Variants in KY observed in about 807,000 individuals in gnomAD.
KY encodes the protein kyphoscoliosis peptidase.
A neutral mutation model predicts 76.1 loss-of-function variants in KY; 43 were observed. The ratio of observed to expected loss-of-function variants is 0.57; its 90% CI spans 0.44 to 0.73. The LOEUF is 0.73. KY is among the 30% of genes least tolerant of loss of function. The pLI is 0.00. For missense variants in KY, 722 were observed against 828.9 expected (o/e 0.87, Z 1.58); for synonymous variants, 277 against 326.2 (o/e 0.85, Z 1.63).
chr3:134,630,553 C>A (rs1964077478), intron 3 of KY, among the ~76,000 whole-genome samples: 1 of 152,174 alleles, frequency 6.6e-6, no homozygotes, highest in African/African-American at 2.4e-5. Flanking sequence ...AAGGCAATTC[C>A]ATAAAGTTGT....
intron 9 of KY, 48 bp from the exon 10 acceptor site, chr3:134,608,887 C>T (rs1339600701): frequency 6.4e-7 from 1 of 1,564,330 alleles, no homozygotes; most frequent in Admixed American, 1.8e-5. Flanking sequence ...GCAGGGGAGG[C>T]AGGGGCCCAA....
intron 3 of KY, among the ~76,000 whole-genome samples, chr3:134,636,556 G>A (rs1176614747): frequency 6.6e-6 from 1 of 152,168 alleles, no homozygotes; most frequent in Non-Finnish European, 1.5e-5. Flanking sequence ...TCTCAGGTGA[G>A]GCTATCCCAG....
chr3:134,604,400 C>G lies in KY; in HGVS notation c.1165G>C (p.Glu389Gln). The G allele has an allele frequency of 1.2e-6, 2 of 1,614,060 alleles. No homozygotes were observed. The highest frequency in any genetic ancestry group is 1.7e-6 in the Non-Finnish European group (2 of 1,179,906). ...LFMFMLNGKQ[E>Q]HGLLSLRKNG... The stretch of plus-strand genomic sequence containing the variant: ...TTCCTTAGGCTCAGCAGCCCATGCT[C>G]TTGCTTGCCATTGAGCATGAACATG... The change falls in exon 11 of 11, where the codon GAG becomes CAG. Residue 389 changes from glutamate (E) to glutamine (Q), a missense_variant. Around this residue, in one of 2 missense-constraint regions of KY, gnomAD observed 552 missense variants for 680.9 expected, o/e 0.81. Coordinates refer to ENST00000423778, the MANE Select transcript of KY (RefSeq NM_178554.6).
chr3:134,624,793 G>A (rs565292578), intron 6 of KY, among the ~76,000 whole-genome samples: 1 of 152,276 alleles, frequency 6.6e-6, no homozygotes, highest in South Asian at 2.1e-4. Flanking sequence ...GCTTGCCAAT[G>A]AAGAGCTCCA....
intron 3 of KY, among the ~76,000 whole-genome samples, chr3:134,636,477 T>A (rs944919662): frequency 6.6e-6 from 1 of 152,144 alleles, no homozygotes; most frequent in Non-Finnish European, 1.5e-5. Flanking sequence ...ATTCTTGGGA[T>A]CCCAGCCATA....
intron 10 of KY, 118 bp from the exon 11 acceptor site, chr3:134,604,592 T>G: frequency 1.6e-5 from 13 of 826,716 alleles, no homozygotes; most frequent in Non-Finnish European, 2.3e-5. Context: ...GCTTGTCTAT[T>G]TCCACGGTGT....
chr3:134,607,605 C>G, intron 10 of KY: 1 of 985,670 alleles, frequency 1.0e-6, no homozygotes. Flanking sequence ...GATCAGGTGC[C>G]AAGGCCTTGG....
At chr3:134,610,634 T>A in intron 8 of KY, 1 of 453,006 alleles carries the variant, frequency 2.2e-6, no homozygotes. Flanking sequence ...GCTCCTCCCC[T>A]GAGACCAACA....
chr3:134,607,587 C>T (rs548395858), intron 10 of KY: 12 of 985,498 alleles, frequency 1.2e-5, no homozygotes, highest in Non-Finnish European at 1.4e-5. Context: ...GCTGTGTGCC[C>T]AGCACTGGAT....
At chr3:134,645,552 C>G (rs1041731921) in intron 2 of KY, among the ~76,000 whole-genome samples, 1 of 152,340 alleles carries the variant, frequency 6.6e-6, no homozygotes, top group East Asian at 1.9e-4. Context: ...AGAATCTCGA[C>G]ATCAGAAAAC....
chr3:134,638,050 T>C (rs1965225758), intron 3 of KY, among the ~76,000 whole-genome samples: 1 of 152,180 alleles, frequency 6.6e-6, no homozygotes, highest in Admixed American at 6.5e-5. Context: ...TGCTGCTGCT[T>C]AGCATTCCCT....
At chr3:134,613,271 A>G (rs1316481539) in intron 8 of KY, 2 of 153,874 alleles carry the variant, frequency 1.3e-5, no homozygotes, top group Admixed American at 6.5e-5. Context: ...CAGAATGGGT[A>G]TGGAATGTCC....
At position 134,608,216 on chromosome 3, in the gene KY, T is replaced by C; in HGVS notation, c.1090+433A>G. 10 of 1,185,340 alleles carry C rather than the reference T, an allele frequency of 8.4e-6. No homozygotes were observed. The South Asian group carries it at 1.6e-4, about 19-fold the overall frequency. 73.4% of individuals were successfully genotyped at this position (1,185,340 alleles called of 1,614,324 possible). A position where few individuals can be genotyped will look rare whatever the true frequency, so the allele number is the denominator to read the frequency against. On this transcript the variant is annotated intron_variant, in intron 10 of 10. Coordinates refer to ENST00000423778, the MANE Select transcript of KY (RefSeq NM_178554.6). ...GAGAACACAGCAGGCCAGTAGCTTCTGTTGGGGACCTGAGCCCAGAGGCTA... is the reference window on the plus strand; with the variant it reads ...GAGAACACAGCAGGCCAGTAGCTTCCGTTGGGGACCTGAGCCCAGAGGCTA...
intron 3 of KY, among the ~76,000 whole-genome samples, chr3:134,634,922 G>T (rs911472730): frequency 6.6e-6 from 1 of 152,208 alleles, no homozygotes; most frequent in Non-Finnish European, 1.5e-5. Flanking sequence ...AGGATGCAGA[G>T]AAATTGGATC....
chr3:134,632,969 G>T (rs1234027704), intron 3 of KY, among the ~76,000 whole-genome samples: 1 of 151,922 alleles, frequency 6.6e-6, no homozygotes, highest in African/African-American at 2.4e-5. Context: ...TAATAATAAA[G>T]GAATGCTACA....
intron 1 of KY, among the ~76,000 whole-genome samples, chr3:134,647,956 C>A (rs1032613198): frequency 1.3e-5 from 2 of 152,186 alleles, no homozygotes; most frequent in African/African-American, 4.8e-5. Flanking sequence ...GTTCTCTTGG[C>A]CTCCCTTGCA....
Position 134,602,128 on chromosome 3 carries a change from G to A in KY, c.*1451C>T, listed in dbSNP as rs1004565206. 1.3e-5 allele frequency among the ~76,000 whole-genome samples: 2 copies of A among 152,192 alleles called. No individual in the cohort carries two copies. Among genetic ancestry groups the A allele is most frequent in the Non-Finnish European group, 2.9e-5 (2 of 68,024 alleles). On this transcript the variant is annotated 3_prime_UTR_variant, in exon 11 of 11. Coordinates refer to ENST00000423778, the MANE Select transcript of KY (RefSeq NM_178554.6). ...AGGTGCCAGGCAGTGCTGGCTCTCA[G>A]GGGTTGGGGGGCACTGAGACAGCCA...
chr3:134,645,267 C>T (rs144125370), intron 2 of KY, among the ~76,000 whole-genome samples: 4 of 152,274 alleles, frequency 2.6e-5, no homozygotes, highest in South Asian at 4.2e-4. Flanking sequence ...CCTGCTGCTT[C>T]GAAAAGTTTG....
chr3:134,627,733 T>C (rs1963653248), intron 5 of KY, 23 bp downstream of exon 5: 2 of 1,610,342 alleles, frequency 1.2e-6, no homozygotes, highest in African/African-American at 1.3e-5. Context: ...TTGAGAATTG[T>C]CCTGGAAGAC....
Sources: gnomAD v4.1 joint callset for allele counts (sites outside exome capture counted in the v4.1 genomes callset) on GRCh38, gnomAD v4.1.1 for gene constraint, gnomAD v4.1.1 regional missense constraint, MANE v1.5 for transcripts, NCBI Gene and HGNC (gene_info 2026-07-23, HGNC 2026-07-21) for gene names.